The following TEX52 variants were observed in gnomAD, a reference collection of about 807,000 sequenced individuals.
The protein encoded by TEX52 is testis expressed 52, also known as testis-expressed protein 52.
TEX52 carries 22 observed loss-of-function variants against 17.6 expected under a neutral mutation model. The ratio of observed to expected loss-of-function variants is 1.25; its 90% CI spans 0.89 to 1.78. The LOEUF (loss-of-function observed/expected upper bound fraction) is 1.78. Among genes scored for constraint, TEX52 ranks in the 40% most tolerant of loss-of-function variants. The pLI is 0.00. For missense variants in TEX52, 396 were observed against 372.3 expected (o/e 1.06, Z -0.52); for synonymous variants, 168 against 147.4 (o/e 1.14, Z -1.01).
In TEX52 at chr12:2,855,139, G is replaced by C; in HGVS notation, c.380C>G (p.Ser127Cys). 2 of 1,531,294 alleles carry C rather than the reference G, an allele frequency of 1.3e-6. No individual in the cohort carries two copies. The highest frequency in any genetic ancestry group is 2.4e-5 in the South Asian group (2 of 83,538). The allele number at this position is 1,531,294 out of a possible 1,614,324, so 94.9% of individuals were successfully genotyped here. A position where few individuals can be genotyped will look rare whatever the true frequency, so the allele number is the denominator to read the frequency against. The change falls in exon 2 of 3, where the codon TCC (serine) becomes TGC (cysteine). Residue 127 changes from serine to cysteine, a missense_variant. Coordinates refer to ENST00000637658, the MANE Select transcript of TEX52 (RefSeq NM_001365174.2). ...DSNVWRWLTD[S>C]NAHRCPPTEH... ...CGTGGGGGGGCATCTGTGGGCATTGGAGTCGGTCAGCCAGCGCCAGACATT... is the reference window on the plus strand; with the variant it reads ...CGTGGGGGGGCATCTGTGGGCATTGCAGTCGGTCAGCCAGCGCCAGACATT...
intron 2 of TEX52, among the ~76,000 whole-genome samples, chr12:2,850,197 C>T (rs978330625): frequency 1.3e-5 from 2 of 152,088 alleles, no homozygotes; most frequent in Non-Finnish European, 2.9e-5. Context: ...GCCCCTAGGC[C>T]GGACCCAGTG....
At chr12:2,848,877 G>GCACACACACACACA (rs3056877), downstream of TEX52, among the ~76,000 whole-genome samples, 87 of 140,368 alleles carry the variant, frequency 6.2e-4, 2 homozygotes, top group African/African-American at 1.8e-3. Flanking sequence ...ACACACACAC[G>GCACACACACACACA]CACACACACA....
intron 2 of TEX52, among the ~76,000 whole-genome samples, chr12:2,854,233 C>T (rs1017938088): frequency 3.3e-5 from 5 of 152,312 alleles, no homozygotes; most frequent in African/African-American, 9.6e-5. Flanking sequence ...CCATGTTGGT[C>T]AGGCTGGTCT....
At position 2,849,073 on chromosome 12, in the gene TEX52, G is replaced by A; in HGVS notation, c.*158C>T. 1.5e-6 allele frequency: 1 copy of A among 689,216 alleles called. No individual in the cohort carries two copies. The highest frequency in any genetic ancestry group is 2.4e-6 in the Non-Finnish European group (1 of 421,220). 42.7% of individuals were successfully genotyped at this position (689,216 alleles called of 1,614,324 possible). ...TCAGTTGAATCTCCAATAGCCTGGG[G>A]TACAGAGGTGGCTTGAGGCTGGGAG... On this transcript the variant is annotated 3_prime_UTR_variant, in exon 3 of 3. Coordinates refer to ENST00000637658, the MANE Select transcript of TEX52 (RefSeq NM_001365174.2).
chr12:2,853,205 G>A (rs945500840), intron 2 of TEX52, among the ~76,000 whole-genome samples: 1 of 152,082 alleles, frequency 6.6e-6, no homozygotes, highest in African/African-American at 2.4e-5. Flanking sequence ...CAGGGCAAGG[G>A]TAGCAGGGAA....
chr12:2,849,592 G>A (rs774399138), intron 2 of TEX52, 67 bp from the exon 3 acceptor site: 58 of 1,497,100 alleles, frequency 3.9e-5, no homozygotes, highest in East Asian at 2.0e-4. Context: ...GTGGAGAGAC[G>A]GGGAAGGGGA....
In TEX52 at chr12:2,849,247, C is replaced by G; in HGVS notation, c.902G>C (p.Arg301Thr). The G allele has an allele frequency of 6.5e-7, 1 of 1,535,890 alleles. No individual in the cohort carries two copies. Among genetic ancestry groups the G allele is most frequent in the Non-Finnish European group, 8.7e-7 (1 of 1,146,834 alleles). ...GAAGCCCTTCTAGAAGTGTCCAGGT[C>G]TTCTCTTCCTCTTCCTTGCTGGGGA... Reference protein sequence around the residue: ...SKSPARKRKRRPGHF With the variant: ...SKSPARKRKRTPGHF The change falls in exon 3 of 3, where the codon AGA becomes ACA. Residue 301 changes from arginine to threonine, a missense_variant. By Grantham distance (71) the Arg-to-Thr change is moderately conservative. Transcript: ENST00000637658.
intron 1 of TEX52, 68 bp from the exon 2 acceptor site, chr12:2,855,514 A>G (rs920831337): frequency 2.4e-6 from 3 of 1,241,114 alleles, no homozygotes; most frequent in African/African-American, 1.5e-5. Flanking sequence ...TGGGTGAGGC[A>G]CTCCGCTCTC....
chr12:2,850,287 G>A (rs1001429816), intron 2 of TEX52, among the ~76,000 whole-genome samples: 7 of 151,894 alleles, frequency 4.6e-5, no homozygotes, highest in South Asian at 2.1e-4. Context: ...CAGCCTGGCC[G>A]ACATGATGAA....
At chr12:2,854,813 G>T (rs537808760) in intron 2 of TEX52, 83 bp downstream of exon 2, 2 of 1,374,246 alleles carry the variant, frequency 1.5e-6, no homozygotes, top group South Asian at 1.5e-5. Flanking sequence ...ACAGAGTCCC[G>T]GTTAGAAACA....
chr12:2,853,298 A>G (rs1157545464), intron 2 of TEX52, among the ~76,000 whole-genome samples: 4 of 151,824 alleles, frequency 2.6e-5, no homozygotes, highest in Non-Finnish European at 4.4e-5. Flanking sequence ...TTTTTTAAAC[A>G]AAGTCTCGCT....
intron 1 of TEX52, 22 bp from the exon 2 acceptor site, chr12:2,855,468 C>T (rs904463803): frequency 1.4e-6 from 2 of 1,403,112 alleles, no homozygotes; most frequent in East Asian, 2.6e-5. Context: ...CAAAAGGGAG[C>T]CTGGGGAAGG....
At chr12:2,855,518 C>CT in intron 1 of TEX52, 72 bp from the exon 2 acceptor site, 1 of 1,208,494 alleles carries the variant, frequency 8.3e-7, no homozygotes, top group Non-Finnish European at 1.1e-6. Flanking sequence ...TGAGGCACTC[C>CT]GCTCTCCTTC....
Position 2,849,354 on chromosome 12 carries a change from G to T in TEX52, c.795C>A (p.Asp265Glu), listed in dbSNP as rs534698503. Residue 265 changes from aspartate to glutamate, a missense_variant, in exon 3 of 3, where the codon GAC becomes GAA. By Grantham distance (45) the Asp-to-Glu change is conservative. Transcript: ENST00000637658. Reference protein sequence around the residue: ...ALLPSAPLSQDLIRDFQTLIK... With the variant: ...ALLPSAPLSQELIRDFQTLIK... ...TCAGGGTTTGGAAATCCCTTATGAG[G>T]TCCTGGCTCAGGGGCGCGCTGGGCA... 2 of 1,536,162 alleles carry T rather than the reference G, an allele frequency of 1.3e-6. No homozygotes were observed. The highest frequency in any genetic ancestry group is 2.0e-5 in the Admixed American group (1 of 50,998).
At chr12:2,855,968 G>A (rs1036579199) in intron 1 of TEX52, among the ~76,000 whole-genome samples, 1 of 152,052 alleles carries the variant, frequency 6.6e-6, no homozygotes, top group African/African-American at 2.4e-5. Flanking sequence ...CGTCACTGAC[G>A]CTTTCCTCCC....
chr12:2,847,923 CTTA>C (rs1210241001), downstream of TEX52, among the ~76,000 whole-genome samples: 13 of 152,214 alleles, frequency 8.5e-5, no homozygotes, highest in Admixed American at 3.3e-4. Flanking sequence ...ATTCTATCTA[CTTA>C]TTATTTTTAT....
chr12:2,854,111 C>G (rs539222575), intron 2 of TEX52, among the ~76,000 whole-genome samples: 2 of 152,178 alleles, frequency 1.3e-5, no homozygotes, highest in African/African-American at 4.8e-5. Flanking sequence ...CTGCAACCTC[C>G]GCCTCCCAGG....
At chr12:2,854,700 G>A (rs1167883466) in intron 2 of TEX52, among the ~76,000 whole-genome samples, 196 bp downstream of exon 2, 1 of 152,138 alleles carries the variant, frequency 6.6e-6, no homozygotes, top group Non-Finnish European at 1.5e-5. Flanking sequence ...AGATTTTAGT[G>A]AAACTCCCTG....
At chr12:2,852,375 T>C (rs1261822965) in intron 2 of TEX52, among the ~76,000 whole-genome samples, 1 of 152,022 alleles carries the variant, frequency 6.6e-6, no homozygotes, top group African/African-American at 2.4e-5. Flanking sequence ...AACTGTTTTT[T>C]TTTTCTTTTG....
Sources: gnomAD v4.1 joint callset for allele counts (sites outside exome capture counted in the v4.1 genomes callset) on GRCh38, gnomAD v4.1.1 for gene constraint, MANE v1.5 for transcripts, NCBI Gene and HGNC (gene_info 2026-07-23, HGNC 2026-07-21) for gene names.